The following PDE1C variants were observed in gnomAD, a reference collection of about 807,000 sequenced individuals.
The protein encoded by PDE1C is dual specificity calcium/calmodulin-dependent 3',5'-cyclic nucleotide phosphodiesterase 1C.
Under a neutral mutation model 93.1 loss-of-function variants are expected in PDE1C, and 62 were observed. The ratio of observed to expected loss-of-function variants is 0.67; its 90% CI spans 0.54 to 0.82. The LOEUF (loss-of-function observed/expected upper bound fraction) is 0.82, where lower values mean the gene tolerates loss of function less well. PDE1C is among the 40% of genes least tolerant of loss of function. PDE1C has a pLI of 0.00. For missense variants in PDE1C, 742 were observed against 884.6 expected (o/e 0.84, Z 2.04); for synonymous variants, 325 against 310.1 (o/e 1.05, Z -0.50).
rs761606349 is a variant in PDE1C, at chr7:31,824,861, A to G, written c.1406+6T>C. The G allele has an allele frequency of 3.1e-6, 5 of 1,612,308 alleles. No homozygotes were observed. Among genetic ancestry groups the G allele is most frequent in the African/African-American group, 1.3e-5 (1 of 74,892 alleles). ...TCACCCTCAGCCCTCAAGCTTCCCC[A>G]CTGACCTCGAACGCCTCTGTCCTGT... On this transcript the variant is annotated splice_donor_region_variant and intron_variant, in intron 13 of 17. Coordinates refer to ENST00000396191, the MANE Select transcript of PDE1C (RefSeq NM_001191057.4).
At chr7:32,112,447 AT>A (rs1210966756) in intron 3 of PDE1C, among the ~76,000 whole-genome samples, 1 of 151,886 alleles carries the variant, frequency 6.6e-6, no homozygotes, top group Non-Finnish European at 1.5e-5. Context: ...TAAAAACCTA[AT>A]TTTAGTTTTC....
At chr7:31,677,730 TA>T in the PDE1C span, among the ~76,000 whole-genome samples, 1 of 152,152 alleles carries the variant, frequency 6.6e-6, no homozygotes, top group Admixed American at 6.5e-5. Flanking sequence ...AGGAACAAGA[TA>T]GAAATGCCAG....
chr7:31,645,069 A>G, the PDE1C span, among the ~76,000 whole-genome samples: 1 of 152,224 alleles, frequency 6.6e-6, no homozygotes, highest in Admixed American at 6.5e-5. Flanking sequence ...AGGAAACTAG[A>G]ACTGAGAGAG....
chr7:31,942,495 T>C (rs1168498964), intron 2 of PDE1C, among the ~76,000 whole-genome samples: 1 of 152,130 alleles, frequency 6.6e-6, no homozygotes, highest in East Asian at 1.9e-4. Flanking sequence ...ACCCTAGAGA[T>C]GACATGAATT....
chr7:31,850,148 G>A (rs75099848), intron 8 of PDE1C, among the ~76,000 whole-genome samples: 2,114 of 152,182 alleles, frequency 0.014, 41 homozygotes, highest in African/African-American at 0.049. Flanking sequence ...CCCTGTGCCA[G>A]GGAGTGGTGC....
At chr7:32,369,394 T>C (rs1442904016) in intron 1 of PDE1C, among the ~76,000 whole-genome samples, 2 of 152,178 alleles carry the variant, frequency 1.3e-5, no homozygotes, top group Admixed American at 1.3e-4. Flanking sequence ...GAAAAAATTA[T>C]CAACATCACT....
chr7:31,961,366 C>T lies in PDE1C; in HGVS notation c.129-80506G>A, dbSNP rs544499963. Among the ~76,000 whole-genome samples the T allele has an allele frequency of 1.3e-4, 20 of 151,900 alleles. 1 individual carries two copies. Among genetic ancestry groups the T allele is most frequent in the Admixed American group, 9.2e-4 (14 of 15,230 alleles). ...TTCAGAGTATATTGATAAAGTTATTCTGAATATATCTGGTAAAATATATAA... is the reference window on the plus strand; with the variant it reads ...TTCAGAGTATATTGATAAAGTTATTTTGAATATATCTGGTAAAATATATAA... On this transcript the variant is annotated intron_variant, in intron 2 of 17. Coordinates refer to ENST00000396191, the MANE Select transcript of PDE1C (RefSeq NM_001191057.4).
At chr7:31,911,902 A>G (rs894418225) in intron 2 of PDE1C, among the ~76,000 whole-genome samples, 1 of 152,208 alleles carries the variant, frequency 6.6e-6, no homozygotes, top group African/African-American at 2.4e-5. Context: ...CCTCCTAAGG[A>G]AGCAAAATTG....
chr7:32,026,912 C>A (rs1376257511), intron 2 of PDE1C, among the ~76,000 whole-genome samples: 1 of 152,058 alleles, frequency 6.6e-6, no homozygotes, highest in Admixed American at 6.6e-5. Flanking sequence ...AGAACCAAAT[C>A]TGAAAAGGCT....
rs1020785188 is a variant in PDE1C, at chr7:32,013,593, C to T, written c.128+37961G>A. On this transcript the variant is annotated intron_variant, in intron 2 of 17. Transcript: ENST00000396191. ...AAGGCAGAGGAGAATAAAGGAAGGA[C>T]GAAGTAACTTGTGGAATGCTGAGAA... 5.3e-5 allele frequency among the ~76,000 whole-genome samples: 8 copies of T among 152,146 alleles called. No individual in the cohort carries two copies. The East Asian group carries it at 5.8e-4, about 11-fold the overall frequency.
intron 2 of PDE1C, among the ~76,000 whole-genome samples, chr7:32,201,643 AAGGG>A (rs2128830484): frequency 6.6e-6 from 1 of 152,278 alleles, no homozygotes; most frequent in East Asian, 1.9e-4. Context: ...TGATTCCTAA[AAGGG>A]AGGTGGAAAT....
chr7:32,330,323 T>A (rs983042473), intron 1 of PDE1C, among the ~76,000 whole-genome samples: 2 of 152,258 alleles, frequency 1.3e-5, no homozygotes, highest in Non-Finnish European at 2.9e-5. Flanking sequence ...TGCTCAGCTA[T>A]GCTGGTAAGT....
chr7:32,102,612 G>A (rs1798092966), intron 3 of PDE1C, among the ~76,000 whole-genome samples: 1 of 152,216 alleles, frequency 6.6e-6, no homozygotes, highest in Non-Finnish European at 1.5e-5. Flanking sequence ...CAATTGTCCA[G>A]GAAAAATAAA....
intron 3 of PDE1C, among the ~76,000 whole-genome samples, chr7:32,113,022 T>C (rs1798761252): frequency 6.7e-6 from 1 of 149,342 alleles, no homozygotes; most frequent in East Asian, 2.0e-4. Context: ...GGCAATGAGG[T>C]AAGTATAGCT....
At chr7:31,618,300 G>A in the PDE1C span, among the ~76,000 whole-genome samples, 1 of 152,016 alleles carries the variant, frequency 6.6e-6, no homozygotes, top group African/African-American at 2.4e-5. Context: ...AAAGTAATTA[G>A]GACTGTTCAT....
At chr7:32,359,073 A>C (rs1668394) in intron 1 of PDE1C, among the ~76,000 whole-genome samples, 93,437 of 151,908 alleles carry the variant, frequency 0.62, 30,017 homozygotes, top group Admixed American at 0.75. Context: ...CCCTTGATAT[A>C]TGATCAAATT....
chr7:31,713,098 G>A, the PDE1C span, among the ~76,000 whole-genome samples: 2 of 152,116 alleles, frequency 1.3e-5, no homozygotes, highest in African/African-American at 2.4e-5. Flanking sequence ...CTCAAAAGTC[G>A]ACAGTCCAAA....
chr7:31,687,045 C>T, the PDE1C span: 1 of 152,320 alleles, frequency 6.6e-6, no homozygotes, highest in Non-Finnish European at 1.5e-5. Flanking sequence ...AAGCACGACT[C>T]TATACTGTAC....
the PDE1C span, among the ~76,000 whole-genome samples, chr7:31,681,839 A>G: frequency 6.6e-6 from 1 of 152,218 alleles, no homozygotes; most frequent in Non-Finnish European, 1.5e-5. Flanking sequence ...AAGTCCACAC[A>G]TTGGTATCTT....
Sources: gnomAD v4.1 joint callset for allele counts (sites outside exome capture counted in the v4.1 genomes callset) on GRCh38, gnomAD v4.1.1 for gene constraint, MANE v1.5 for transcripts, NCBI Gene and HGNC (gene_info 2026-07-23, HGNC 2026-07-21) for gene names.